The following RGS7BP variants were observed in gnomAD, a reference collection of about 807,000 sequenced individuals.
The protein encoded by RGS7BP is regulator of G protein signaling 7-binding protein.
RGS7BP carries 9 observed loss-of-function variants against 31.3 expected under a neutral mutation model. The ratio of observed to expected loss-of-function variants is 0.29; its 90% CI spans 0.17 to 0.50. The LOEUF is 0.50. Among genes scored for constraint, RGS7BP ranks in the 20% least tolerant of loss-of-function variants. RGS7BP has a pLI of 0.98. For synonymous variants in RGS7BP, 115 were observed against 120.1 expected (o/e 0.96, Z 0.28); for missense variants, 274 against 322.0 (o/e 0.85, Z 1.14).
Position 64,594,877 on chromosome 5 carries a change from G to C in RGS7BP, c.611+20G>C. On this transcript the variant is annotated intron_variant, in intron 4 of 5. Coordinates refer to ENST00000334025, the MANE Select transcript of RGS7BP (RefSeq NM_001029875.3). ...TGAAAGGTAAGTGGGAAGTTACCCT[G>C]AATAGACTGCCAATCCTCCTCCCGT... is the stretch of plus-strand genomic sequence containing the variant. 1 of 1,611,284 alleles carries C rather than the reference G, an allele frequency of 6.2e-7. No homozygotes were observed. Among genetic ancestry groups the C allele is most frequent in the Non-Finnish European group, 8.5e-7 (1 of 1,177,846 alleles).
rs1361500426 is a variant in RGS7BP, at chr5:64,610,616, C to G, written c.*1364C>G. The G allele has an allele frequency of 6.6e-6, 1 of 151,908 alleles. No individual in the cohort carries two copies. The highest frequency in any genetic ancestry group is 1.5e-5 in the Non-Finnish European group (1 of 67,910). The allele number at this position is 151,908 out of a possible 1,614,324, so 9.4% of individuals were successfully genotyped here. A position where few individuals can be genotyped will look rare whatever the true frequency, so the allele number is the denominator to read the frequency against. On this transcript the variant is annotated 3_prime_UTR_variant, in exon 6 of 6. Transcript: ENST00000334025. ...TCTTTAGTCCCAACCCTGTTCTTTACCAATACTTATGTGCACAGGCATTTA... is the reference window on the plus strand; with the variant it reads ...TCTTTAGTCCCAACCCTGTTCTTTAGCAATACTTATGTGCACAGGCATTTA...
chr5:64,609,388 C>T lies in RGS7BP; in HGVS notation c.*136C>T. The T allele has an allele frequency of 1.7e-6, 1 of 604,108 alleles. No homozygotes were observed. 37.4% of individuals were successfully genotyped at this position (604,108 alleles called of 1,614,324 possible). ...CTTCCTTATTACTTTTATCTGCCTC[C>T]CCCTGCCCTTTTAAATGATTTTACA... is the stretch of plus-strand genomic sequence containing the variant. On this transcript the variant is annotated 3_prime_UTR_variant, in exon 6 of 6. Coordinates refer to ENST00000334025, the MANE Select transcript of RGS7BP (RefSeq NM_001029875.3).
intron 2 of RGS7BP, among the ~76,000 whole-genome samples, chr5:64,529,317 T>A (rs1749313944): frequency 6.6e-6 from 1 of 152,170 alleles, no homozygotes; most frequent in Non-Finnish European, 1.5e-5. Flanking sequence ...ATAAAAGTGA[T>A]TAGGCCTTTA....
chr5:64,507,436 T>TG (rs373759351), intron 1 of RGS7BP, among the ~76,000 whole-genome samples: 117 of 152,278 alleles, frequency 7.7e-4, no homozygotes, highest in African/African-American at 2.7e-3. Flanking sequence ...TATGCTCTCT[T>TG]GCTCTTCAGA....
intron 3 of RGS7BP, among the ~76,000 whole-genome samples, chr5:64,589,515 C>A (rs1281166320): frequency 6.6e-6 from 1 of 151,984 alleles, no homozygotes; most frequent in Non-Finnish European, 1.5e-5. Context: ...CATGTGGGAC[C>A]CATCAGACAA....
At chr5:64,603,035 A>G (rs1743260817) in intron 5 of RGS7BP, among the ~76,000 whole-genome samples, 1 of 152,216 alleles carries the variant, frequency 6.6e-6, no homozygotes, top group Non-Finnish European at 1.5e-5. Flanking sequence ...AAGTCTCTAG[A>G]CAAAAGGCTT....
intron 3 of RGS7BP, among the ~76,000 whole-genome samples, chr5:64,590,921 A>T (rs973898459): frequency 3.3e-5 from 5 of 152,124 alleles, no homozygotes; most frequent in African/African-American, 1.2e-4. Flanking sequence ...TGAGCTAAAA[A>T]TTTAGATTAT....
intron 2 of RGS7BP, among the ~76,000 whole-genome samples, chr5:64,558,464 AT>A (rs940256629): frequency 9.9e-5 from 15 of 152,256 alleles, no homozygotes; most frequent in African/African-American, 3.6e-4. Flanking sequence ...ATAATTTCCT[AT>A]GCCTGTCTTT....
chr5:64,549,941 A>G (rs72754873), intron 2 of RGS7BP, among the ~76,000 whole-genome samples: 31,326 of 152,122 alleles, frequency 0.21, 3,949 homozygotes, highest in South Asian at 0.34. Flanking sequence ...ACCCAATGTC[A>G]TCGCTTGGTA....
rs1022021864 is a variant in RGS7BP, at chr5:64,543,691, G to A, written c.333-32083G>A. ...TGGATAGGGTGGCAGGGTCATGCAA[G>A]AAAATGACAGGTTGTAGGAGCTGCA... On this transcript the variant is annotated intron_variant, in intron 2 of 5. Coordinates refer to ENST00000334025, the MANE Select transcript of RGS7BP (RefSeq NM_001029875.3). Among the ~76,000 whole-genome samples, 3 of 152,214 alleles carry A rather than the reference G, an allele frequency of 2.0e-5. No individual in the cohort carries two copies. The South Asian group carries it at 6.2e-4, about 31-fold the overall frequency.
intron 2 of RGS7BP, among the ~76,000 whole-genome samples, chr5:64,561,611 C>G (rs1490685864): frequency 2.6e-5 from 4 of 152,148 alleles, no homozygotes; most frequent in Non-Finnish European, 2.9e-5. Flanking sequence ...TGGTGTCTGG[C>G]ACACAGTAAA....
intron 2 of RGS7BP, among the ~76,000 whole-genome samples, chr5:64,538,546 C>CTTTTTTTTTTTTTTTTTTTT (rs1191560944): frequency 7.5e-5 from 3 of 40,026 alleles, no homozygotes; most frequent in African/African-American, 2.2e-4. Flanking sequence ...TTTTCCTTTT[C>CTTTTTTTTTTTTTTTTTTTT]TTTTTTTTTT....
chr5:64,548,037 A>G (rs1003118009), intron 2 of RGS7BP, among the ~76,000 whole-genome samples: 1 of 152,128 alleles, frequency 6.6e-6, no homozygotes, highest in Non-Finnish European at 1.5e-5. Context: ...AAACCTGACA[A>G]AGGAAATAAA....
intron 2 of RGS7BP, among the ~76,000 whole-genome samples, chr5:64,512,394 G>T (rs1039709396): frequency 6.6e-6 from 1 of 152,180 alleles, no homozygotes; most frequent in Non-Finnish European, 1.5e-5. Context: ...TGGTAGTCTG[G>T]TATCGTGGTT....
At chr5:64,581,313 C>T (rs1175699654) in intron 3 of RGS7BP, among the ~76,000 whole-genome samples, 3 of 152,216 alleles carry the variant, frequency 2.0e-5, no homozygotes, top group African/African-American at 7.2e-5. Flanking sequence ...CCCTCTTCTT[C>T]AGCTTTGCTT....
chr5:64,598,465 A>G (rs373339872), intron 5 of RGS7BP, 30 bp downstream of exon 5: 1 of 1,405,422 alleles, frequency 7.1e-7, no homozygotes, highest in Non-Finnish European at 1.0e-6. Context: ...TTTGAGGCAG[A>G]GGATGTTTTT....
chr5:64,599,575 TCAGATA>T (rs1166830905), intron 5 of RGS7BP, among the ~76,000 whole-genome samples: 1 of 152,114 alleles, frequency 6.6e-6, no homozygotes, highest in Non-Finnish European at 1.5e-5. Flanking sequence ...CCACAGCACA[TCAGATA>T]GCTCAGAACA....
intron 3 of RGS7BP, among the ~76,000 whole-genome samples, chr5:64,579,996 T>C (rs1009129013): frequency 1.3e-5 from 2 of 152,174 alleles, no homozygotes; most frequent in African/African-American, 2.4e-5. Context: ...TTGGAAACCG[T>C]AGAGCAACCT....
chr5:64,543,342 C>T (rs944946724), intron 2 of RGS7BP, among the ~76,000 whole-genome samples: 4 of 152,224 alleles, frequency 2.6e-5, no homozygotes, highest in African/African-American at 7.2e-5. Flanking sequence ...AATGCTGAAT[C>T]GGCTTAGGCC....
Sources: allele counts gnomAD v4.1 joint callset (sites outside exome capture counted in the v4.1 genomes callset), GRCh38; gene constraint gnomAD v4.1.1; transcripts MANE v1.5; gene names NCBI Gene and HGNC (gene_info 2026-07-23, HGNC 2026-07-21).